The following ARL15 variants were observed in gnomAD, a reference collection of about 807,000 sequenced individuals.
ARL15 encodes ADP-ribosylation factor-like protein 15.
A neutral mutation model predicts 25.2 loss-of-function variants in ARL15; 19 were observed. The observed-to-expected ratio is 0.75, with a 90% CI of 0.53 to 1.10. The LOEUF is 1.10. Ranked by LOEUF, ARL15 falls within the 50% of genes least tolerant of loss-of-function variation. The pLI, the probability that ARL15 is intolerant of heterozygous loss-of-function variation, is 0.00. For missense variants in ARL15, 220 were observed against 246.0 expected (o/e 0.89, Z 0.71); for synonymous variants, 94 against 86.8 (o/e 1.08, Z -0.46).
chr5:54,278,213 C>T (rs1757972218), intron 1 of ARL15, among the ~76,000 whole-genome samples: 1 of 152,196 alleles, frequency 6.6e-6, no homozygotes, highest in Non-Finnish European at 1.5e-5. Flanking sequence ...AATGCTTACC[C>T]TGACATTCCT....
chr5:54,093,663 A>G (rs1354726160), intron 4 of ARL15, among the ~76,000 whole-genome samples: 1 of 150,616 alleles, frequency 6.6e-6, no homozygotes, highest in East Asian at 1.9e-4. Flanking sequence ...TAATTTAATA[A>G]TTTAAGTATA....
chr5:54,224,480 C>T (rs956524308), intron 1 of ARL15, among the ~76,000 whole-genome samples: 10 of 152,188 alleles, frequency 6.6e-5, no homozygotes. Flanking sequence ...ATTGATTTCA[C>T]ATCCACTATC....
At chr5:54,042,681 C>T (rs1044915009) in intron 4 of ARL15, among the ~76,000 whole-genome samples, 2 of 152,166 alleles carry the variant, frequency 1.3e-5, no homozygotes, top group African/African-American at 4.8e-5. Flanking sequence ...TATTTGATAA[C>T]TTTTAAGTCG....
intron 1 of ARL15, among the ~76,000 whole-genome samples, chr5:54,188,415 C>A (rs1755297854): frequency 6.6e-6 from 1 of 152,122 alleles, no homozygotes. Context: ...CCATCCTGAA[C>A]AGACTGCTTA....
chr5:54,102,056 A>C lies in ARL15; in HGVS notation c.462+11146T>G, dbSNP rs144132623. ...GAGACAGAGTCTCACTCTGTCACTT[A>C]GACTGGAGTGCAGTGATGAGATCTT... On this transcript the variant is annotated intron_variant, in intron 4 of 4. Transcript: ENST00000504924. 4.3e-3 allele frequency among the ~76,000 whole-genome samples: 623 copies of C among 145,386 alleles called. 4 individuals carry two copies. Among genetic ancestry groups the C allele is most frequent in the South Asian group, 0.012 (57 of 4,666 alleles).
chr5:54,272,775 T>C (rs905660588), intron 1 of ARL15, among the ~76,000 whole-genome samples: 4 of 152,212 alleles, frequency 2.6e-5, no homozygotes, highest in Non-Finnish European at 5.9e-5. Flanking sequence ...TAAAAATTGT[T>C]TTTTCCTATA....
intron 1 of ARL15, among the ~76,000 whole-genome samples, chr5:54,281,936 T>C (rs1758071793): frequency 1.3e-5 from 2 of 152,234 alleles, no homozygotes; most frequent in African/African-American, 4.8e-5. Context: ...ATCCGTTAAA[T>C]TAAAACTCCA....
intron 1 of ARL15, among the ~76,000 whole-genome samples, chr5:54,303,971 G>A (rs553136442): frequency 6.6e-6 from 1 of 152,268 alleles, no homozygotes; most frequent in African/African-American, 2.4e-5. Flanking sequence ...ACACAACATA[G>A]TTCTCTTCCT....
chr5:53,981,869 C>T (rs191921427), intron 4 of ARL15, among the ~76,000 whole-genome samples: 2 of 148,248 alleles, frequency 1.3e-5, no homozygotes, highest in African/African-American at 2.5e-5. Context: ...CATTGCACTC[C>T]AGACTGGGCA....
intron 3 of ARL15, among the ~76,000 whole-genome samples, chr5:54,146,856 T>A (rs1010027705): frequency 3.9e-5 from 6 of 152,110 alleles, no homozygotes; most frequent in African/African-American, 1.4e-4. Flanking sequence ...AGACTATGAC[T>A]GGGAAGATAA....
At chr5:54,126,431 C>T (rs1268670816) in intron 3 of ARL15, among the ~76,000 whole-genome samples, 3 of 152,192 alleles carry the variant, frequency 2.0e-5, no homozygotes, top group African/African-American at 7.2e-5. Flanking sequence ...TCATTCTTTA[C>T]CCCTTATCCT....
At chr5:53,896,618 T>C (rs1005024774) in intron 4 of ARL15, among the ~76,000 whole-genome samples, 3 of 152,106 alleles carry the variant, frequency 2.0e-5, no homozygotes, top group Admixed American at 6.6e-5. Context: ...TGCCTCAGCC[T>C]CCAGAGCAGC....
At chr5:53,932,328 C>T (rs1174702953) in intron 4 of ARL15, among the ~76,000 whole-genome samples, 2 of 152,142 alleles carry the variant, frequency 1.3e-5, no homozygotes, top group Non-Finnish European at 2.9e-5. Context: ...TACAAATTCC[C>T]CCAAGGGAGT....
At chr5:54,253,938 T>C (rs1003256095) in intron 1 of ARL15, among the ~76,000 whole-genome samples, 13 of 152,300 alleles carry the variant, frequency 8.5e-5, no homozygotes, top group Admixed American at 8.5e-4. Context: ...ACCAGTGAGA[T>C]TATTTTCCTA....
In ARL15 at chr5:54,310,514, C is replaced by A; in HGVS notation, c.-35G>T. On this transcript the variant is annotated 5_prime_UTR_variant, in exon 1 of 5. Transcript: ENST00000504924. ...TAAAGCATCCGGAACGGCTCCGAAC[C>A]CGGAAAAAAAAAGCAGCGTCTCTGG... is the stretch of plus-strand genomic sequence containing the variant. 1.3e-6 allele frequency: 2 copies of A among 1,576,272 alleles called. No individual in the cohort carries two copies. The highest frequency in any genetic ancestry group is 1.7e-6 in the Non-Finnish European group (2 of 1,162,918).
At chr5:54,230,889 CA>C (rs201367975) in intron 1 of ARL15, among the ~76,000 whole-genome samples, 3 of 151,138 alleles carry the variant, frequency 2.0e-5, no homozygotes, top group Non-Finnish European at 3.0e-5. Context: ...GGTAGGTAAG[CA>C]AAAAAAATAC....
At chr5:53,973,571 T>A (rs1337459360) in intron 4 of ARL15, among the ~76,000 whole-genome samples, 3 of 113,936 alleles carry the variant, frequency 2.6e-5, no homozygotes, top group Non-Finnish European at 5.6e-5. Flanking sequence ...TGAAACTTCA[T>A]CTCAAAAAAA....
chr5:54,025,300 A>C (rs930893874), intron 4 of ARL15, among the ~76,000 whole-genome samples: 121 of 152,044 alleles, frequency 8.0e-4, no homozygotes, highest in African/African-American at 2.5e-3. Context: ...AAAAAAAAAA[A>C]AAAAAAAGCA....
chr5:53,931,606 C>G (rs1473300502), intron 4 of ARL15, among the ~76,000 whole-genome samples: 2 of 152,164 alleles, frequency 1.3e-5, no homozygotes, highest in Non-Finnish European at 2.9e-5. Flanking sequence ...CCAATCCTAC[C>G]TCTCTCATCT....
Sources: gnomAD v4.1 joint callset for allele counts (sites outside exome capture counted in the v4.1 genomes callset) on GRCh38, gnomAD v4.1.1 for gene constraint, MANE v1.5 for transcripts, NCBI Gene and HGNC (gene_info 2026-07-23, HGNC 2026-07-21) for gene names.